ROBO1: variants seen among roughly 807,000 people sequenced by gnomAD.
ROBO1 encodes roundabout homolog 1.
A neutral mutation model predicts 195.9 loss-of-function variants in ROBO1; 149 were observed. The observed-to-expected ratio is 0.76, with a 90% CI of 0.67 to 0.87. The LOEUF (loss-of-function observed/expected upper bound fraction) is 0.87. Ranked by LOEUF, ROBO1 falls within the 40% of genes least tolerant of loss-of-function variation. ROBO1 has a pLI of 0.00. For synonymous variants in ROBO1, 816 were observed against 733.2 expected (o/e 1.11, Z -1.82); for missense variants, 1,933 against 2,068.3 (o/e 0.93, Z 1.27).
intron 2 of ROBO1, among the ~76,000 whole-genome samples, chr3:79,546,159 T>A (rs966794069): frequency 6.6e-6 from 1 of 152,020 alleles, no homozygotes; most frequent in Non-Finnish European, 1.5e-5. Context: ...TAATAGTAAT[T>A]TAATGTATAG....
chr3:78,626,463 C>A (rs770617761), intron 26 of ROBO1, among the ~76,000 whole-genome samples: 7 of 152,068 alleles, frequency 4.6e-5, no homozygotes, highest in Non-Finnish European at 1.0e-4. Flanking sequence ...CCACAAAAAT[C>A]GCAGTTTGTT....
At position 79,003,597 on chromosome 3, in the gene ROBO1, C is replaced by T. The variant is rs920869720; in HGVS notation, c.173-64670G>A. Among the ~76,000 whole-genome samples, 13 of 151,480 alleles carry T rather than the reference C, an allele frequency of 8.6e-5. No homozygotes were observed. The East Asian group carries it at 2.5e-3, about 29-fold the overall frequency. On this transcript the variant is annotated intron_variant, in intron 3 of 30. Coordinates refer to ENST00000464233, the MANE Select transcript of ROBO1 (RefSeq NM_002941.4). ...ATCTCAATTTTAATGATAAGGAAAG[C>T]AGCAAAAAAAAGAAAGCACACAAAG...
Position 79,376,183 on chromosome 3 carries a change from A to G in ROBO1, c.88+213641T>C, listed in dbSNP as rs78227208. Among the ~76,000 whole-genome samples the G allele has an allele frequency of 8.4e-3, 1,279 of 152,304 alleles. 22 individuals carry two copies. The highest frequency in any genetic ancestry group is 0.029 in the African/African-American group (1,214 of 41,566). On this transcript the variant is annotated intron_variant, in intron 2 of 30. Coordinates refer to ENST00000464233, the MANE Select transcript of ROBO1 (RefSeq NM_002941.4). ...TGAGCCATTCAACCCATTGGAAATCATGTGAAAATTACACAAATTGCCTTA... is the reference window on the plus strand; with the variant it reads ...TGAGCCATTCAACCCATTGGAAATCGTGTGAAAATTACACAAATTGCCTTA...
chr3:79,391,142 A>T (rs1162099624), intron 2 of ROBO1, among the ~76,000 whole-genome samples: 1 of 149,494 alleles, frequency 6.7e-6, no homozygotes, highest in Non-Finnish European at 1.5e-5. Context: ...AAAAAAAAAA[A>T]TTTGGCCAAG....
At chr3:79,442,088 T>C (rs2039073635) in intron 2 of ROBO1, among the ~76,000 whole-genome samples, 1 of 152,188 alleles carries the variant, frequency 6.6e-6, no homozygotes, top group African/African-American at 2.4e-5. Context: ...ATTTTTTTAT[T>C]TTGCCCAGAT....
At chr3:79,227,471 A>G (rs1375312286) in intron 2 of ROBO1, among the ~76,000 whole-genome samples, 1 of 152,152 alleles carries the variant, frequency 6.6e-6, no homozygotes, top group Non-Finnish European at 1.5e-5. Context: ...CATATATTTC[A>G]GAGAATATGT....
chr3:79,238,852 G>A (rs937245600), intron 2 of ROBO1, among the ~76,000 whole-genome samples: 1 of 152,130 alleles, frequency 6.6e-6, no homozygotes, highest in Admixed American at 6.5e-5. Context: ...TTTAGATTCT[G>A]TTTTCTGTCA....
chr3:79,598,827 A>G (rs1290278901), intron 1 of ROBO1, among the ~76,000 whole-genome samples: 1 of 152,068 alleles, frequency 6.6e-6, no homozygotes, highest in Admixed American at 6.6e-5. Context: ...GCAGCAACTC[A>G]TAACAAAACA....
intron 3 of ROBO1, among the ~76,000 whole-genome samples, chr3:79,085,604 C>T (rs552153979): frequency 6.6e-6 from 1 of 152,100 alleles, no homozygotes; most frequent in African/African-American, 2.4e-5. Flanking sequence ...GAGTGATGAG[C>T]TTGTGGGGCC....
At chr3:79,068,871 C>CA (rs1197739756) in intron 3 of ROBO1, among the ~76,000 whole-genome samples, 1 of 151,898 alleles carries the variant, frequency 6.6e-6, no homozygotes, top group Non-Finnish European at 1.5e-5. Context: ...GCAGTACTAA[C>CA]AATATCAGCT....
chr3:79,123,597 T>A (rs1321458590), intron 3 of ROBO1, among the ~76,000 whole-genome samples: 1 of 151,964 alleles, frequency 6.6e-6, no homozygotes, highest in Non-Finnish European at 1.5e-5. Context: ...TAATCAAGAA[T>A]TTTCCAAAAC....
At chr3:79,143,504 A>T (rs919724563) in intron 2 of ROBO1, among the ~76,000 whole-genome samples, 2 of 151,998 alleles carry the variant, frequency 1.3e-5, no homozygotes, top group African/African-American at 2.4e-5. Flanking sequence ...TTCACAAGAG[A>T]ATAAAGATAT....
At chr3:79,625,727 A>G (rs1945156736) in intron 1 of ROBO1, among the ~76,000 whole-genome samples, 3 of 152,244 alleles carry the variant, frequency 2.0e-5, no homozygotes, top group Admixed American at 2.0e-4. Flanking sequence ...AAGCCTACCA[A>G]CCAAAAAAAG....
intron 4 of ROBO1, among the ~76,000 whole-genome samples, chr3:78,844,227 A>G (rs2033491876): frequency 6.6e-6 from 1 of 152,202 alleles, no homozygotes. Context: ...AAGTGAATTT[A>G]GTTAGAACTA....
Position 79,495,747 on chromosome 3 carries a change from T to C in ROBO1, c.88+94077A>G, listed in dbSNP as rs567610219. Reference sequence around the variant, plus strand: ...AGTACTATTGAAAATGAACATTTCTTTCTGTATCTCTTTTTCCTTATATCT... The same window carrying C: ...AGTACTATTGAAAATGAACATTTCTCTCTGTATCTCTTTTTCCTTATATCT... On this transcript the variant is annotated intron_variant, in intron 2 of 30. Coordinates refer to ENST00000464233, the MANE Select transcript of ROBO1 (RefSeq NM_002941.4). Among the ~76,000 whole-genome samples, 7 of 152,328 alleles carry C rather than the reference T, an allele frequency of 4.6e-5. No individual in the cohort carries two copies. In the East Asian group the frequency reaches 1.4e-3, roughly 29 times the overall value.
chr3:78,755,985 A>G (rs2082919538), intron 4 of ROBO1, among the ~76,000 whole-genome samples: 1 of 152,074 alleles, frequency 6.6e-6, no homozygotes, highest in South Asian at 2.1e-4. Flanking sequence ...TCATACTTTA[A>G]TTTTGGGGAT....
intron 2 of ROBO1, among the ~76,000 whole-genome samples, chr3:79,546,187 ACTTT>A (rs1242712344): frequency 4.6e-5 from 7 of 152,198 alleles, no homozygotes; most frequent in Non-Finnish European, 7.4e-5. Flanking sequence ...TTTTCTCATG[ACTTT>A]CTTTCCTCTA....
rs17016667 is a variant in ROBO1, at chr3:78,987,466, T to C, written c.173-48539A>G. On this transcript the variant is annotated intron_variant, in intron 3 of 30. Coordinates refer to ENST00000464233, the MANE Select transcript of ROBO1 (RefSeq NM_002941.4). ...GAGTGAAGGCAAGTAATAAATCCTGTGCTTTCTGAGGGAGACTAGCCATCC... is the reference window on the plus strand; with the variant it reads ...GAGTGAAGGCAAGTAATAAATCCTGCGCTTTCTGAGGGAGACTAGCCATCC... 3.5e-3 allele frequency among the ~76,000 whole-genome samples: 535 copies of C among 152,246 alleles called. 2 individuals carry two copies. The highest frequency in any genetic ancestry group is 0.012 in the African/African-American group (504 of 41,544).
intron 5 of ROBO1, among the ~76,000 whole-genome samples, chr3:78,730,504 G>A (rs2082262626): frequency 1.5e-5 from 1 of 65,362 alleles, no homozygotes; most frequent in South Asian, 6.7e-4. Context: ...TACAGAAGAA[G>A]AAATATTCCT....
Sources: allele counts gnomAD v4.1 joint callset (sites outside exome capture counted in the v4.1 genomes callset), GRCh38; gene constraint gnomAD v4.1.1; transcripts MANE v1.5; gene names NCBI Gene and HGNC (gene_info 2026-07-23, HGNC 2026-07-21).